Variants in ODAD2 observed in about 807,000 individuals in gnomAD.
The protein encoded by ODAD2 is outer dynein arm docking complex subunit 2.
ODAD2 carries 89 observed loss-of-function variants against 106.8 expected under a neutral mutation model. The observed-to-expected ratio is 0.83, with a 90% CI of 0.70 to 0.99. The LOEUF (loss-of-function observed/expected upper bound fraction) is 0.99, where lower values mean the gene tolerates loss of function less well. Among genes scored for constraint, ODAD2 ranks in the 50% least tolerant of loss-of-function variants. ODAD2 has a pLI of 0.00. For synonymous variants in ODAD2, 404 were observed against 436.2 expected, an observed-to-expected ratio of 0.93 and a Z score of 0.92; for missense variants, 1,168 against 1,238.5, an observed-to-expected ratio of 0.94 and a Z score of 0.85.
intron 2 of ODAD2, among the ~76,000 whole-genome samples, chr10:27,990,509 TCTAAATAGTAACATAGAAAATAAGGCTA>T (rs1329938716): frequency 6.6e-6 from 1 of 152,178 alleles, no homozygotes; most frequent in African/African-American, 2.4e-5. Context: ...TAAATGTATG[TCTAAATAGTAACATAGAAAATAAGGCTA>T]TAGCTAAGAA....
chr10:27,982,338 T>A (rs1849605273), intron 6 of ODAD2, among the ~76,000 whole-genome samples: 1 of 152,190 alleles, frequency 6.6e-6, no homozygotes. Context: ...TTCATTTTTT[T>A]AAAACTTAAA....
intron 7 of ODAD2, 44 bp downstream of exon 7, chr10:27,981,422 G>A: frequency 7.0e-7 from 1 of 1,424,470 alleles, no homozygotes; most frequent in Non-Finnish European, 9.2e-7. Flanking sequence ...TTGTAGTTTA[G>A]TAACATAATG....
chr10:27,881,706 T>C (rs1290518778), intron 17 of ODAD2, among the ~76,000 whole-genome samples: 1 of 152,134 alleles, frequency 6.6e-6, no homozygotes, highest in African/African-American at 2.4e-5. Context: ...AATTCTATGT[T>C]TATATAACTA....
At chr10:27,937,690 T>C (rs935520879) in intron 14 of ODAD2, among the ~76,000 whole-genome samples, 2 of 152,188 alleles carry the variant, frequency 1.3e-5, no homozygotes, top group African/African-American at 4.8e-5. Flanking sequence ...GTGATCCAGA[T>C]ATGTGTCATG....
chr10:27,913,627 A>C (rs1276965161), intron 16 of ODAD2, among the ~76,000 whole-genome samples: 4 of 152,180 alleles, frequency 2.6e-5, no homozygotes, highest in Non-Finnish European at 5.9e-5. Context: ...AAGAAACTTA[A>C]ATTAACAAGC....
chr10:27,985,202 TC>T lies in ODAD2; in HGVS notation c.391del (p.Asp131ThrfsTer3). On this transcript the variant is annotated frameshift_variant, in exon 4 of 20. Transcript: ENST00000305242. LOFTEE classifies it high-confidence loss of function. ...EAQACVEANR[D>X]PIVKILGSDY... ...AGAGCCCAGGATTTTTACTATGGGG[TC>T]TCTGTTAGCTGCCAAAAAAAAAAAA... 2 of 1,535,110 alleles carry T rather than the reference TC, an allele frequency of 1.3e-6. No homozygotes were observed. The highest frequency in any genetic ancestry group is 1.7e-6 in the Non-Finnish European group (2 of 1,143,678).
chr10:27,944,428 C>T lies in ODAD2; in HGVS notation c.1537G>A (p.Gly513Ser). 1 of 1,611,892 alleles carries T rather than the reference C, an allele frequency of 6.2e-7. No individual in the cohort carries two copies. Among genetic ancestry groups the T allele is most frequent in the Non-Finnish European group, 8.5e-7 (1 of 1,178,216 alleles). ...LETDEVKCKI[G>S]SLKILKEISH... ...ATTTCCTTCAGTATTTTTAATGAAC[C>T]AATCTGTGTGAGAAAAAAAAAGATG... The change falls in exon 12 of 20, where the codon GGT (glycine) becomes AGT (serine). Residue 513 changes from glycine (G) to serine (S), a missense_variant. Transcript: ENST00000305242.
At chr10:27,853,902 C>T (rs1295845407) in intron 19 of ODAD2, among the ~76,000 whole-genome samples, 2 of 152,140 alleles carry the variant, frequency 1.3e-5, no homozygotes, top group Non-Finnish European at 2.9e-5. Flanking sequence ...AATTGGACTT[C>T]ACCAGCGTTA....
chr10:27,976,799 T>A (rs1335388763), intron 7 of ODAD2, among the ~76,000 whole-genome samples: 4 of 152,266 alleles, frequency 2.6e-5, no homozygotes, highest in Non-Finnish European at 5.9e-5. Flanking sequence ...AAAAACTTTT[T>A]TGAAAGAACA....
At position 27,896,768 on chromosome 10, in the gene ODAD2, A is replaced by G. The variant is rs192124454; in HGVS notation, c.2610+10895T>C. Among the ~76,000 whole-genome samples the G allele has an allele frequency of 3.3e-5, 5 of 152,260 alleles. No homozygotes were observed. In the East Asian group the frequency reaches 9.7e-4, roughly 29 times the overall value. On this transcript the variant is annotated intron_variant, in intron 17 of 19. Transcript: ENST00000305242. ...TAGATACGTAGATATATGTATATAG[A>G]TATAGATATATAGATACATGCACAA...
chr10:27,885,776 A>T (rs1311424280), intron 17 of ODAD2, among the ~76,000 whole-genome samples: 13 of 39,094 alleles, frequency 3.3e-4, no homozygotes, highest in African/African-American at 7.3e-4. Flanking sequence ...ATATTATATA[A>T]AATATATATT....
intron 10 of ODAD2, among the ~76,000 whole-genome samples, chr10:27,945,465 AAG>A (rs755722732): frequency 2.0e-5 from 3 of 152,170 alleles, no homozygotes; most frequent in Non-Finnish European, 2.9e-5. Flanking sequence ...GGATTGGGAA[AAG>A]AGAGGCAATT....
chr10:27,959,980 A>G (rs1203317406), intron 10 of ODAD2, among the ~76,000 whole-genome samples: 2 of 152,168 alleles, frequency 1.3e-5, no homozygotes, highest in African/African-American at 2.4e-5. Flanking sequence ...CATAATACAA[A>G]ACACTAAATG....
At chr10:27,911,763 T>C (rs2133890035) in intron 16 of ODAD2, among the ~76,000 whole-genome samples, 1 of 152,300 alleles carries the variant, frequency 6.6e-6, no homozygotes, top group East Asian at 1.9e-4. Context: ...CTGCCCCTCA[T>C]ACCACATTAC....
At chr10:27,952,290 C>T (rs1019832083) in intron 10 of ODAD2, among the ~76,000 whole-genome samples, 3 of 151,984 alleles carry the variant, frequency 2.0e-5, no homozygotes, top group South Asian at 4.2e-4. Flanking sequence ...GTACATTTTG[C>T]CCCTGTGAGA....
chr10:27,922,928 CA>C, intron 16 of ODAD2, among the ~76,000 whole-genome samples: 1 of 151,248 alleles, frequency 6.6e-6, no homozygotes, highest in Non-Finnish European at 1.5e-5. Context: ...CAAAATAAAA[CA>C]AAAACAAACA....
At chr10:27,972,257 G>A (rs1270467603) in intron 7 of ODAD2, among the ~76,000 whole-genome samples, 1 of 151,854 alleles carries the variant, frequency 6.6e-6, no homozygotes, top group East Asian at 1.9e-4. Flanking sequence ...TAAGCCAGAG[G>A]GCAGCTAAGA....
At chr10:27,868,060 G>A (rs868652989) in intron 17 of ODAD2, among the ~76,000 whole-genome samples, 9 of 151,816 alleles carry the variant, frequency 5.9e-5, no homozygotes, top group African/African-American at 1.2e-4. Flanking sequence ...ACATTTATGC[G>A]GCCAACAAAC....
At chr10:27,967,115 A>G (rs1374064859) in intron 9 of ODAD2, among the ~76,000 whole-genome samples, 1 of 151,676 alleles carries the variant, frequency 6.6e-6, no homozygotes, top group Non-Finnish European at 1.5e-5. Context: ...AAAGCCTAAT[A>G]AGACAGAAAA....
Sources: gnomAD v4.1 joint callset for allele counts (sites outside exome capture counted in the v4.1 genomes callset) on GRCh38, gnomAD v4.1.1 for gene constraint, MANE v1.5 for transcripts, NCBI Gene and HGNC (gene_info 2026-07-23, HGNC 2026-07-21) for gene names.